GSE1: variants seen among roughly 807,000 people sequenced by gnomAD.
GSE1 encodes the protein genetic suppressor element 1.
Under a neutral mutation model 112.6 loss-of-function variants are expected in GSE1, and 32 were observed. The ratio of observed to expected loss-of-function variants is 0.28; its 90% CI spans 0.21 to 0.38. GSE1 has a LOEUF of 0.38. GSE1 is among the 10% of genes least tolerant of loss of function. GSE1 has a pLI of 1.00. For missense variants in GSE1, 2,348 were observed against 1,699.2 expected (o/e 1.38, Z -6.71); for synonymous variants, 1,115 against 735.6 (o/e 1.52, Z -8.35).
intron 2 of GSE1, among the ~76,000 whole-genome samples, chr16:85,478,915 CTTTCTTTCTT>C (rs2050574218): frequency 3.9e-5 from 2 of 51,290 alleles, no homozygotes; most frequent in African/African-American, 2.2e-4. Context: ...TTCTTTCTTT[CTTTCTTTCTT>C]TCTCTTTCTT....
intron 1 of GSE1, among the ~76,000 whole-genome samples, chr16:85,221,614 A>AC (rs1192077095): frequency 2.6e-5 from 4 of 151,902 alleles, no homozygotes; most frequent in Non-Finnish European, 5.9e-5. Flanking sequence ...GGCTGCCCCT[A>AC]CCCACATCCC....
chr16:85,634,513 C>G (rs538225773), intron 2 of GSE1, among the ~76,000 whole-genome samples: 2 of 152,314 alleles, frequency 1.3e-5, no homozygotes, highest in African/African-American at 4.8e-5. Flanking sequence ...CCAAGTGGCT[C>G]CTTGCCCAGG....
chr16:85,264,156 G>A (rs1907992106), intron 1 of GSE1, among the ~76,000 whole-genome samples: 2 of 152,182 alleles, frequency 1.3e-5, no homozygotes, highest in Middle Eastern at 3.2e-3. Context: ...GTTGTGGGAG[G>A]GTGGGGGGCA....
In GSE1 at chr16:85,656,490, G is replaced by GGAGCGC. The variant is rs762789904; in HGVS notation, c.1148_1153dup (p.Arg383_Glu384dup). The GGAGCGC allele has an allele frequency of 1.2e-4, 192 of 1,542,216 alleles. No individual in the cohort carries two copies. The East Asian group carries it at 1.5e-3, about 12-fold the overall frequency. ...AAGAGAAGGAGCGTGAGCGTGAGAAGGAGCGCGAGCGCGAGCTGGAGCGCC... is the reference window on the plus strand; with the variant it reads ...AAGAGAAGGAGCGTGAGCGTGAGAAGGAGCGCGAGCGCGAGCGCGAGCTGGAGCGCC... On this transcript the variant is annotated inframe_insertion, in exon 7 of 16. Coordinates refer to ENST00000253458, the MANE Select transcript of GSE1 (RefSeq NM_014615.5).
chr16:85,670,865 G>T (rs781315716), intron 14 of GSE1, 130 bp from the exon 15 acceptor site: 32 of 643,018 alleles, frequency 5.0e-5, no homozygotes, highest in Non-Finnish European at 7.9e-5. Context: ...TGGTCCACAG[G>T]AGAGGCCTTC....
chr16:85,280,881 C>T (rs1048047608), intron 1 of GSE1, among the ~76,000 whole-genome samples: 2 of 152,176 alleles, frequency 1.3e-5, no homozygotes, highest in Admixed American at 1.3e-4. Context: ...CAGAGAACAT[C>T]GGCGGTGACA....
intron 1 of GSE1, among the ~76,000 whole-genome samples, chr16:85,226,998 C>T (rs9319461): frequency 0.41 from 61,740 of 151,590 alleles, 12,700 homozygotes; most frequent in South Asian, 0.49. Flanking sequence ...ATCCAGCCAC[C>T]CACGCATCCC....
intron 2 of GSE1, among the ~76,000 whole-genome samples, chr16:85,518,448 AG>A (rs2052027737): frequency 6.6e-6 from 1 of 152,110 alleles, no homozygotes; most frequent in African/African-American, 2.4e-5. Flanking sequence ...GTTACATCAG[AG>A]GAAACCGAGG....
chr16:85,506,636 A>G (rs1354291793), intron 2 of GSE1, among the ~76,000 whole-genome samples: 1 of 151,956 alleles, frequency 6.6e-6, no homozygotes, highest in Non-Finnish European at 1.5e-5. Flanking sequence ...GTTTTCTTAT[A>G]TGTAGAGGGG....
At chr16:85,374,477 TTGTG>T (rs1050199402) in intron 2 of GSE1, among the ~76,000 whole-genome samples, 4 of 151,372 alleles carry the variant, frequency 2.6e-5, no homozygotes, top group African/African-American at 9.7e-5. Context: ...ACATGTATGA[TTGTG>T]TGTGGGTGTG....
chr16:85,477,718 G>C lies in GSE1; in HGVS notation c.2464+120075G>C, dbSNP rs530654609. Among the ~76,000 whole-genome samples the C allele has an allele frequency of 2.9e-3, 447 of 151,956 alleles. 2 individuals are homozygous for C. The highest frequency in any genetic ancestry group is 0.017 in the Middle Eastern group (5 of 294). On this transcript the variant is annotated intron_variant, in intron 2 of 2. Coordinates refer to the GSE1 transcript ENST00000637419. ...TGGGATTAGAGGCACCCGCCACCATGCCCGGCTAATTTTTTGTATTTTTAG... is the reference window on the plus strand; with the variant it reads ...TGGGATTAGAGGCACCCGCCACCATCCCCGGCTAATTTTTTGTATTTTTAG...
chr16:85,488,757 C>T (rs911228797), intron 2 of GSE1, among the ~76,000 whole-genome samples: 11 of 152,132 alleles, frequency 7.2e-5, no homozygotes, highest in African/African-American at 2.7e-4. Context: ...CTTGAGCTGC[C>T]TCTGGGAGAA....
chr16:85,426,492 A>T (rs1283842129), intron 2 of GSE1, among the ~76,000 whole-genome samples: 2 of 93,100 alleles, frequency 2.1e-5, no homozygotes, highest in Non-Finnish European at 4.1e-5. Flanking sequence ...GTAGATGTGT[A>T]TATGGATGGA....
chr16:85,562,682 C>T (rs989741885), intron 1 of GSE1, among the ~76,000 whole-genome samples: 1 of 152,206 alleles, frequency 6.6e-6, no homozygotes, highest in Non-Finnish European at 1.5e-5. Flanking sequence ...CCTGGTGCTC[C>T]GTGTCGCTTG....
chr16:85,546,469 A>G (rs2044706479), intron 2 of GSE1, among the ~76,000 whole-genome samples: 1 of 152,256 alleles, frequency 6.6e-6, no homozygotes, highest in African/African-American at 2.4e-5. Flanking sequence ...GTTGTACAGT[A>G]GATATTTATT....
chr16:85,508,080 G>A (rs1033263683), intron 2 of GSE1, among the ~76,000 whole-genome samples: 1 of 152,156 alleles, frequency 6.6e-6, no homozygotes, highest in African/African-American at 2.4e-5. Context: ...TGTCGCTCAG[G>A]CTGGGGTGGA....
At chr16:85,583,826 G>A (rs539185096) in intron 1 of GSE1, among the ~76,000 whole-genome samples, 1 of 152,322 alleles carries the variant, frequency 6.6e-6, no homozygotes, top group South Asian at 2.1e-4. Context: ...ATTGCTGGAG[G>A]GGCTGTCTGG....
At chr16:85,228,967 G>C (rs1050848153) in intron 1 of GSE1, among the ~76,000 whole-genome samples, 1 of 152,218 alleles carries the variant, frequency 6.6e-6, no homozygotes, top group Non-Finnish European at 1.5e-5. Flanking sequence ...CAGGACCTGG[G>C]CATCCCAGGA....
At chr16:85,413,352 G>A (rs2048627808) in intron 2 of GSE1, among the ~76,000 whole-genome samples, 1 of 152,120 alleles carries the variant, frequency 6.6e-6, no homozygotes, top group Non-Finnish European at 1.5e-5. Flanking sequence ...ATGGAGGGAG[G>A]GTCCAGGAGG....
Sources: gnomAD v4.1 joint callset for allele counts (sites outside exome capture counted in the v4.1 genomes callset) on GRCh38, gnomAD v4.1.1 for gene constraint, MANE v1.5 for transcripts, NCBI Gene and HGNC (gene_info 2026-07-23, HGNC 2026-07-21) for gene names.